The following PPP1R12C variants were observed in gnomAD, a reference collection of about 807,000 sequenced individuals.
The protein encoded by PPP1R12C is protein phosphatase 1 regulatory subunit 12C, also known as leukocyte receptor cluster (LRC) encoded novel gene 3.
A neutral mutation model predicts 95.6 loss-of-function variants in PPP1R12C; 48 were observed. That is an observed-to-expected ratio of 0.50 (90% CI 0.40 to 0.64). PPP1R12C has a LOEUF of 0.64. Ranked by LOEUF, PPP1R12C falls within the 30% of genes least tolerant of loss-of-function variation. PPP1R12C has a pLI of 0.00. For synonymous variants in PPP1R12C, 480 were observed against 460.8 expected (o/e 1.04, Z -0.53); for missense variants, 1,057 against 1,083.3 (o/e 0.98, Z 0.34).
Position 55,096,432 on chromosome 19 carries a change from C to T in PPP1R12C, c.952-97G>A, listed in dbSNP as rs935325679. 6 of 1,423,438 alleles carry T rather than the reference C, an allele frequency of 4.2e-6. No individual in the cohort carries two copies. The Admixed American group carries it at 5.1e-5, about 12-fold the overall frequency. The allele number at this position is 1,423,438 out of a possible 1,614,324, so 88.2% of individuals were successfully genotyped here. On this transcript the variant is annotated intron_variant, in intron 6 of 21. Coordinates refer to ENST00000263433, the MANE Select transcript of PPP1R12C (RefSeq NM_017607.4). ...GCTGTGCAGGAGCTCACTGCCCAGG[C>T]GGGCACCGAGGGCTCGTGGGCTTAC...
intron 3 of PPP1R12C, among the ~76,000 whole-genome samples, chr19:55,106,385 C>T (rs1342247671): frequency 6.6e-6 from 1 of 152,226 alleles, no homozygotes; most frequent in Non-Finnish European, 1.5e-5. Context: ...GGGCCTTCGG[C>T]TATAATCCAT....
At chr19:55,101,647 G>C (rs2084980549) in intron 4 of PPP1R12C, among the ~76,000 whole-genome samples, 1 of 152,224 alleles carries the variant, frequency 6.6e-6, no homozygotes, top group African/African-American at 2.4e-5. Flanking sequence ...AGGACTCAGG[G>C]GTGGAAGCCG....
chr19:55,103,313 C>T, intron 4 of PPP1R12C, 96 bp downstream of exon 4: 8 of 1,238,798 alleles, frequency 6.5e-6, no homozygotes, highest in East Asian at 2.8e-5. Context: ...GAGGGAAATA[C>T]ATAGCCTTCG....
intron 11 of PPP1R12C, 48 bp downstream of exon 11, chr19:55,095,243 C>T: frequency 6.6e-7 from 1 of 1,520,150 alleles, no homozygotes; most frequent in Non-Finnish European, 8.9e-7. Context: ...AGGCTTGGAA[C>T]CCACATCTGC....
intron 1 of PPP1R12C, among the ~76,000 whole-genome samples, chr19:55,116,871 G>A (rs192888827): frequency 7.2e-5 from 11 of 152,274 alleles, no homozygotes; most frequent in Non-Finnish European, 1.5e-4. Context: ...TCGAGGGAGG[G>A]ATGGTAAGGA....
At chr19:55,112,895 G>C in intron 1 of PPP1R12C, 100 bp from the exon 2 acceptor site, 1 of 1,510,072 alleles carries the variant, frequency 6.6e-7, no homozygotes, top group South Asian at 1.2e-5. Context: ...CCAGGGACAC[G>C]GTGCTAGGAC....
Position 55,098,777 on chromosome 19 carries a change from C to T in PPP1R12C, c.951+7G>A. 1.2e-6 allele frequency: 2 copies of T among 1,613,446 alleles called. No individual in the cohort carries two copies. The highest frequency in any genetic ancestry group is 1.7e-6 in the Non-Finnish European group (2 of 1,179,980). The stretch of plus-strand genomic sequence containing the variant: ...TCTGGGGTAAGCCCCTCAGCCCTGA[C>T]ACTCACGTCCTCCTGTTTCCGGGCC... On this transcript the variant is annotated splice_region_variant and intron_variant, in intron 6 of 21. Coordinates refer to ENST00000263433, the MANE Select transcript of PPP1R12C (RefSeq NM_017607.4).
intron 3 of PPP1R12C, among the ~76,000 whole-genome samples, chr19:55,105,022 G>A (rs908051760): frequency 3.3e-5 from 5 of 150,732 alleles, no homozygotes; most frequent in Non-Finnish European, 5.9e-5. Context: ...CACCCGCCTC[G>A]GCCTCCCAAA....
chr19:55,096,713 C>T lies in PPP1R12C; in HGVS notation c.952-378G>A, dbSNP rs959610609. 16 of 385,916 alleles carry T rather than the reference C, an allele frequency of 4.1e-5. No homozygotes were observed. The East Asian group carries it at 9.4e-4, about 23-fold the overall frequency. 23.9% of individuals were successfully genotyped at this position (385,916 alleles called of 1,614,324 possible). A position where few individuals can be genotyped will look rare whatever the true frequency, so the allele number is the denominator to read the frequency against. On this transcript the variant is annotated intron_variant, in intron 6 of 21. Coordinates refer to ENST00000263433, the MANE Select transcript of PPP1R12C (RefSeq NM_017607.4). ...CGGCTCCTGCAGCCGGCACTCGCCT[C>T]CTCCTTCCCCGCGCAGTTCACCACC...
chr19:55,098,675 C>T, intron 6 of PPP1R12C, 109 bp downstream of exon 6: 1 of 1,360,570 alleles, frequency 7.3e-7, no homozygotes, highest in Non-Finnish European at 1.0e-6. Flanking sequence ...TAGCAGGTCG[C>T]TGGGGTGGTG....
In PPP1R12C at chr19:55,098,990, C is replaced by T; in HGVS notation, c.837G>A (p.Leu279=). Residue 279 remains leucine (L), a synonymous_variant, in exon 5 of 22, where the codon CTG becomes CTA. Transcript: ENST00000263433. ...HWGVEDACRL[L]AEHGGGMDSL... ...AGTCCATGCCCCCGCCATGCTCGGC[C>T]AGCAGGCGGCAGGCATCCTCCACGC... 1 of 1,560,610 alleles carries T rather than the reference C, an allele frequency of 6.4e-7. No homozygotes were observed. Among genetic ancestry groups the T allele is most frequent in the Non-Finnish European group, 8.7e-7 (1 of 1,152,484 alleles).
chr19:55,104,925 C>T (rs2085021317), intron 3 of PPP1R12C, among the ~76,000 whole-genome samples: 1 of 151,906 alleles, frequency 6.6e-6, no homozygotes. Context: ...GCACACGCCA[C>T]CACACCCAGC....
chr19:55,096,237 G>C (rs1316954573), intron 7 of PPP1R12C, 25 bp downstream of exon 7: 2 of 1,613,728 alleles, frequency 1.2e-6, no homozygotes, highest in South Asian at 1.1e-5. Flanking sequence ...CACCCCGCCA[G>C]CCCTGGACTC....
intron 3 of PPP1R12C, among the ~76,000 whole-genome samples, chr19:55,104,498 T>C (rs1442539206): frequency 1.3e-5 from 2 of 151,028 alleles, no homozygotes; most frequent in Non-Finnish European, 2.9e-5. Flanking sequence ...AGGTCAAGAG[T>C]TCGAGACCAG....
rs1319130163 is a variant in PPP1R12C, at chr19:55,099,018, C to T, written c.809G>A (p.Trp270Ter). 2 of 1,555,826 alleles carry T rather than the reference C, an allele frequency of 1.3e-6. No homozygotes were observed. Among genetic ancestry groups the T allele is most frequent in the East Asian group, 2.4e-5 (1 of 41,488 alleles). ...CAGGCGGCAGGCATCCTCCACGCCC[C>T]AGTGTGCCGCTGCGTGCAGGGGAGT... ...GWTPLHAAAHWGVEDACRLLA... is the reference protein window; with the variant it reads ...GWTPLHAAAH Residue 270 changes from tryptophan (W) to a stop codon, truncating the protein, a stop_gained, in exon 5 of 22, where the codon TGG becomes TAG. Transcript: ENST00000263433. LOFTEE classifies it high-confidence loss of function.
intron 15 of PPP1R12C, 21 bp downstream of exon 15, chr19:55,092,995 C>T: frequency 6.4e-7 from 1 of 1,564,998 alleles, no homozygotes; most frequent in Non-Finnish European, 8.7e-7. Context: ...TGGGAATGAC[C>T]TCCCCGAGAG....
chr19:55,099,152 T>C, intron 4 of PPP1R12C, 57 bp from the exon 5 acceptor site: 1 of 1,451,854 alleles, frequency 6.9e-7, no homozygotes, highest in Non-Finnish European at 9.1e-7. Context: ...GGCCGAGGGC[T>C]GATTTCGGCC....
At position 55,117,345 on chromosome 19, in the gene PPP1R12C, C is replaced by A; in HGVS notation, c.199G>T (p.Ala67Ser). 1 of 1,150,906 alleles carries A rather than the reference C, an allele frequency of 8.7e-7. No individual in the cohort carries two copies. Among genetic ancestry groups the A allele is most frequent in the Non-Finnish European group, 1.1e-6 (1 of 937,164 alleles). 71.3% of individuals were successfully genotyped at this position (1,150,906 alleles called of 1,614,324 possible). The change falls in exon 1 of 22, where the codon GCG becomes TCG. Residue 67 changes from alanine (A) to serine (S), a missense_variant. By Grantham distance (99) the Ala-to-Ser change is moderately conservative. Coordinates refer to ENST00000263433, the MANE Select transcript of PPP1R12C (RefSeq NM_017607.4). Reference sequence around the variant, plus strand: ...TCGGCGGCGCGCAGCATCAGACGCGCCTCGTCCAGGTCGCCGCCCGCACAG... The same window carrying A: ...TCGGCGGCGCGCAGCATCAGACGCGACTCGTCCAGGTCGCCGCCCGCACAG... ...AACAGGDLDE[A>S]RLMLRAADPG...
Position 55,092,634 on chromosome 19 carries a change from C to A in PPP1R12C, c.1940G>T (p.Ser647Ile). The change falls in exon 17 of 22, where the codon AGC (serine) becomes ATC (isoleucine). Residue 647 changes from serine to isoleucine, a missense_variant. Physicochemically the swap from Ser to Ile is moderately radical, Grantham distance 142. Transcript: ENST00000263433. ...EGEEAEPADR[S>I]QESSTLEGGP... The stretch of plus-strand genomic sequence containing the variant: ...ACCCCGCCCCTACCTGGACTCCTGG[C>A]TGCGGTCAGCCGGCTCCGCCTCCTC... 6.5e-7 allele frequency: 1 copy of A among 1,534,698 alleles called. No individual in the cohort carries two copies. The highest frequency in any genetic ancestry group is 2.3e-5 in the East Asian group (1 of 42,900).
Sources: allele counts gnomAD v4.1 joint callset (sites outside exome capture counted in the v4.1 genomes callset), GRCh38; gene constraint gnomAD v4.1.1; transcripts MANE v1.5; gene names NCBI Gene and HGNC (gene_info 2026-07-23, HGNC 2026-07-21).